Variants in RXRA observed in about 807,000 individuals in gnomAD.
The protein encoded by RXRA is retinoic acid receptor RXR-alpha.
Under a neutral mutation model 44.5 loss-of-function variants are expected in RXRA, and 5 were observed. The observed-to-expected ratio is 0.11, with a 90% CI of 0.06 to 0.24. RXRA has a LOEUF of 0.24. Among genes scored for constraint, RXRA ranks in the 10% least tolerant of loss-of-function variants. RXRA has a pLI of 1.00. For missense variants in RXRA, 412 were observed against 646.5 expected (o/e 0.64, Z 3.93); for synonymous variants, 291 against 271.4 (o/e 1.07, Z -0.71).
chr9:134,377,494 T>C (rs62576345), intron 1 of RXRA, among the ~76,000 whole-genome samples: 150,798 of 152,250 alleles, frequency 0.99, 74,733 homozygotes, highest in Middle Eastern at 1. Flanking sequence ...CGGGAAGGCA[T>C]GCGTGTCCTT....
At chr9:134,368,896 ATGTGTGTGTGGGGGTTGTG>A (rs1676087877) in intron 1 of RXRA, among the ~76,000 whole-genome samples, 2 of 31,782 alleles carry the variant, frequency 6.3e-5, no homozygotes, top group Admixed American at 4.4e-4. Flanking sequence ...TGCAGGGGTT[ATGTGTGTGTGGGGGTTGTG>A]TGTGTGTGTG....
chr9:134,404,961 G>A (rs1005154197), intron 2 of RXRA: 2 of 152,290 alleles, frequency 1.3e-5, no homozygotes. Context: ...TCTGAAAGGG[G>A]AAATGCGATG....
In RXRA at chr9:134,438,563, C is replaced by A. The variant is rs1371016258; in HGVS notation, c.*1949C>A. 2.0e-5 allele frequency: 3 copies of A among 152,544 alleles called. No homozygotes were observed. The highest frequency in any genetic ancestry group is 4.4e-5 in the Non-Finnish European group (3 of 68,080). The allele number at this position is 152,544 out of a possible 1,614,324, so 9.4% of individuals were successfully genotyped here. ...AGAGTGTTGAGCCTCATACCTGTAC[C>A]AGGTCCCCGGCCAGCTGGGCCCCTC... On this transcript the variant is annotated 3_prime_UTR_variant, in exon 10 of 10. Transcript: ENST00000481739.
Position 134,415,701 on chromosome 9 carries a change from C to T in RXRA, c.611-1457C>T, listed in dbSNP as rs1049619643. 7.2e-5 allele frequency among the ~76,000 whole-genome samples: 11 copies of T among 152,298 alleles called. 1 individual carries two copies. The highest frequency in any genetic ancestry group is 3.9e-4 in the Admixed American group (6 of 15,294). ...AGAAGGGGCCTGGGTCAGGGACTAC[C>T]CAGCCCAGCACACTGGCAGGAGGGC... On this transcript the variant is annotated intron_variant, in intron 4 of 9. Coordinates refer to ENST00000481739, the MANE Select transcript of RXRA (RefSeq NM_002957.6).
intron 1 of RXRA, among the ~76,000 whole-genome samples, chr9:134,373,799 G>T (rs1321612006): frequency 6.6e-6 from 1 of 152,244 alleles, no homozygotes; most frequent in Non-Finnish European, 1.5e-5. Context: ...TGGACTGGGT[G>T]CCCCTGGGCA....
intron 5 of RXRA, among the ~76,000 whole-genome samples, chr9:134,420,530 C>G (rs992350772): frequency 1.1e-4 from 16 of 152,226 alleles, no homozygotes; most frequent in African/African-American, 3.4e-4. Context: ...CTGTGCCATT[C>G]CTCGGGGGCC....
chr9:134,386,675 G>C (rs1347002256), intron 1 of RXRA, among the ~76,000 whole-genome samples: 1 of 152,192 alleles, frequency 6.6e-6, no homozygotes, highest in Non-Finnish European at 1.5e-5. Flanking sequence ...AGCAAACTGA[G>C]GCTGGCCCTG....
intron 6 of RXRA, chr9:134,424,997 C>A: frequency 1.0e-6 from 1 of 985,438 alleles, no homozygotes; most frequent in Non-Finnish European, 1.2e-6. Flanking sequence ...AGGTCACTTC[C>A]GCTGGGCGAC....
intron 1 of RXRA, among the ~76,000 whole-genome samples, chr9:134,334,193 G>A (rs1835050220): frequency 6.6e-6 from 1 of 152,252 alleles, no homozygotes; most frequent in Non-Finnish European, 1.5e-5. Flanking sequence ...CACCCATCCA[G>A]CCTCTTTTTT....
chr9:134,426,464 A>G lies in RXRA; in HGVS notation c.911-2644A>G, dbSNP rs1831436140. 2.0e-6 allele frequency: 2 copies of G among 985,412 alleles called. No individual in the cohort carries two copies. Among genetic ancestry groups the G allele is most frequent in the Non-Finnish European group, 2.4e-6 (2 of 829,918 alleles). The allele number at this position is 985,412 out of a possible 1,614,324, so 61.0% of individuals were successfully genotyped here. ...CGAGTGAGGACATCGGGGTGGAGGG[A>G]CAGGGGACAGGGGAGCTGAGATGCA... On this transcript the variant is annotated intron_variant, in intron 6 of 9. Coordinates refer to ENST00000481739, the MANE Select transcript of RXRA (RefSeq NM_002957.6). This position sits in a 1 kb window ranked among gnomAD's most constrained non-coding sequence, Gnocchi z 4.6.
chr9:134,362,670 T>A (rs1350132960), intron 1 of RXRA, among the ~76,000 whole-genome samples: 1 of 152,180 alleles, frequency 6.6e-6, no homozygotes, highest in Non-Finnish European at 1.5e-5. Flanking sequence ...GTGGATTCCT[T>A]CACACCTACA....
intron 6 of RXRA, among the ~76,000 whole-genome samples, chr9:134,428,573 A>C (rs2119202522): frequency 7.0e-6 from 1 of 143,228 alleles, no homozygotes; most frequent in African/African-American, 2.6e-5. Flanking sequence ...CACCCGCCCC[A>C]GGGAACCCCC....
At chr9:134,374,807 G>T (rs947609007) in intron 1 of RXRA, among the ~76,000 whole-genome samples, 1 of 152,220 alleles carries the variant, frequency 6.6e-6, no homozygotes, top group African/African-American at 2.4e-5. Context: ...GCAGTGCCTC[G>T]TGTTACTGCT....
chr9:134,398,980 A>G (rs962568786), intron 1 of RXRA, among the ~76,000 whole-genome samples: 3 of 152,232 alleles, frequency 2.0e-5, no homozygotes, highest in Non-Finnish European at 2.9e-5. Context: ...TTCTGCCTTG[A>G]AGTCAGCACA....
intron 2 of RXRA, chr9:134,406,394 GAAAAAAAAAA>G (rs761124899): frequency 9.2e-6 from 1 of 108,488 alleles, no homozygotes; most frequent in African/African-American, 3.4e-5. Flanking sequence ...CCCTGTTTCG[GAAAAAAAAAA>G]AAAAAAAAAA....
At chr9:134,413,160 A>T (rs1332129173) in intron 4 of RXRA, among the ~76,000 whole-genome samples, 1 of 152,092 alleles carries the variant, frequency 6.6e-6, no homozygotes, top group Non-Finnish European at 1.5e-5. Context: ...CTCATCTGTG[A>T]TGGGCTGGGG....
chr9:134,335,463 G>A (rs1829985384), intron 1 of RXRA, among the ~76,000 whole-genome samples: 1 of 152,206 alleles, frequency 6.6e-6, no homozygotes, highest in African/African-American at 2.4e-5. Flanking sequence ...CCAAGGGTAT[G>A]GGGAAGGGAT....
At chr9:134,364,478 G>A (rs1422740583) in intron 1 of RXRA, among the ~76,000 whole-genome samples, 1 of 152,246 alleles carries the variant, frequency 6.6e-6, no homozygotes, top group Non-Finnish European at 1.5e-5. Context: ...GCTGTCATGG[G>A]CTCTGTGTTT....
Position 134,339,731 on chromosome 9 carries a change from GTGTC to G in RXRA, c.28+13074_28+13077del, listed in dbSNP as rs1245063457. Among the ~76,000 whole-genome samples the G allele has an allele frequency of 9.5e-4, 143 of 150,052 alleles. 2 individuals carry two copies. Among genetic ancestry groups the G allele is most frequent in the African/African-American group, 2.7e-3 (110 of 40,136 alleles). ...TGTGTGTGTTTGAGCCTGTGTGTGT[GTGTC>G]TATGTGTGAGATCCCGTGTGTGTCT... On this transcript the variant is annotated intron_variant, in intron 1 of 9. Coordinates refer to ENST00000481739, the MANE Select transcript of RXRA (RefSeq NM_002957.6).
Sources: allele counts gnomAD v4.1 joint callset (sites outside exome capture counted in the v4.1 genomes callset), GRCh38; gene constraint gnomAD v4.1.1; non-coding constraint Gnocchi (gnomAD v3.1); transcripts MANE v1.5; gene names NCBI Gene and HGNC (gene_info 2026-07-23, HGNC 2026-07-21).